The following PLA1A variants were observed in gnomAD, a reference collection of about 807,000 sequenced individuals.
PLA1A encodes phosphatidylserine-specific phospholipase A1alpha.
A neutral mutation model predicts 49.4 loss-of-function variants in PLA1A; 47 were observed. The observed-to-expected ratio is 0.95, with a 90% CI of 0.75 to 1.21. The LOEUF (loss-of-function observed/expected upper bound fraction) is 1.21. Ranked by LOEUF, PLA1A falls within the 50% of genes most tolerant of loss-of-function variation. The pLI is 0.00. For missense variants in PLA1A, 561 were observed against 563.9 expected, an observed-to-expected ratio of 0.99 and a Z score of 0.05; for synonymous variants, 224 against 207.9, an observed-to-expected ratio of 1.08 and a Z score of -0.67.
intron 5 of PLA1A, among the ~76,000 whole-genome samples, chr3:119,613,412 G>T (rs2082796761): frequency 6.6e-6 from 1 of 152,262 alleles, no homozygotes. Context: ...TAATAACAGT[G>T]TGCTGAGCAG....
chr3:119,608,007 C>T (rs2082711466), intron 2 of PLA1A, among the ~76,000 whole-genome samples: 1 of 152,072 alleles, frequency 6.6e-6, no homozygotes, highest in Admixed American at 6.6e-5. Context: ...TTTCCTTTTC[C>T]TGGAAAAGTC....
In PLA1A at chr3:119,624,005, G is replaced by A. The variant is rs561602028; in HGVS notation, c.1013-1119G>A. Among the ~76,000 whole-genome samples, 27 of 152,288 alleles carry A rather than the reference G, an allele frequency of 1.8e-4. No individual in the cohort carries two copies. The East Asian group carries it at 5.2e-3, about 29-fold the overall frequency. On this transcript the variant is annotated intron_variant, in intron 8 of 10. Coordinates refer to ENST00000273371, the MANE Select transcript of PLA1A (RefSeq NM_015900.4). ...CTCCCAAAGTGCTGCGATTACAGGAGTGAGCCACCACGCCTGACCTTATGA... is the reference window on the plus strand; with the variant it reads ...CTCCCAAAGTGCTGCGATTACAGGAATGAGCCACCACGCCTGACCTTATGA...
At chr3:119,604,233 G>A (rs974968293) in intron 1 of PLA1A, among the ~76,000 whole-genome samples, 1 of 152,122 alleles carries the variant, frequency 6.6e-6, no homozygotes, top group Non-Finnish European at 1.5e-5. Context: ...ATATGATCCA[G>A]CAATTCCACT....
intron 1 of PLA1A, among the ~76,000 whole-genome samples, chr3:119,605,791 G>T (rs2107778700): frequency 6.6e-6 from 1 of 152,334 alleles, no homozygotes; most frequent in Non-Finnish European, 1.5e-5. Flanking sequence ...GTTTCATGTT[G>T]CCTTTTCTGT....
At chr3:119,624,847 T>C (rs1310657834) in intron 8 of PLA1A, among the ~76,000 whole-genome samples, 1 of 152,192 alleles carries the variant, frequency 6.6e-6, no homozygotes, top group Non-Finnish European at 1.5e-5. Flanking sequence ...GTCAGACTGG[T>C]CTCAAACTCC....
chr3:119,620,921 C>T (rs979279896), intron 8 of PLA1A, among the ~76,000 whole-genome samples: 1 of 152,230 alleles, frequency 6.6e-6, no homozygotes, highest in Admixed American at 6.5e-5. Flanking sequence ...CAGAACTCAA[C>T]TCCAGGTCTC....
At chr3:119,599,592 A>G (rs1403373873) in intron 1 of PLA1A, among the ~76,000 whole-genome samples, 2 of 152,216 alleles carry the variant, frequency 1.3e-5, no homozygotes, top group Non-Finnish European at 2.9e-5. Context: ...TGTCACACAG[A>G]TAAGAGAAGC....
At chr3:119,605,373 G>A (rs565518824) in intron 1 of PLA1A, among the ~76,000 whole-genome samples, 31 of 152,322 alleles carry the variant, frequency 2.0e-4, no homozygotes, top group Middle Eastern at 3.4e-3. Flanking sequence ...ATGGCTTGAG[G>A]TATTCTCCAC....
At chr3:119,617,101 C>T (rs1200140238) in intron 6 of PLA1A, among the ~76,000 whole-genome samples, 1 of 152,194 alleles carries the variant, frequency 6.6e-6, no homozygotes, top group Non-Finnish European at 1.5e-5. Flanking sequence ...TACAGCTCAC[C>T]ACATACTTCT....
rs543522306 is a variant in PLA1A at position 119,624,004 on chromosome 3, A to C, written c.1013-1120A>C. ...CCTCCCAAAGTGCTGCGATTACAGG[A>C]GTGAGCCACCACGCCTGACCTTATG... On this transcript the variant is annotated intron_variant, in intron 8 of 10. Transcript: ENST00000273371. Among the ~76,000 whole-genome samples, 27 of 152,174 alleles carry C rather than the reference A, an allele frequency of 1.8e-4. No homozygotes were observed. In the East Asian group the frequency reaches 5.2e-3, roughly 29 times the overall value.
At chr3:119,609,409 C>A in intron 3 of PLA1A, 59 bp from the exon 4 acceptor site, 2 of 1,045,584 alleles carry the variant, frequency 1.9e-6, no homozygotes, top group Non-Finnish European at 3.0e-6. Flanking sequence ...GAAAGCCTGC[C>A]ACTGTGAAGC....
At position 119,606,872 on chromosome 3, in the gene PLA1A, C is replaced by T; in HGVS notation, c.172C>T (p.Pro58Ser). 1 of 1,614,102 alleles carries T rather than the reference C, an allele frequency of 6.2e-7. No homozygotes were observed. The highest frequency in any genetic ancestry group is 8.5e-7 in the Non-Finnish European group (1 of 1,179,964). Residue 58 changes from proline (P) to serine (S), a missense_variant, in exon 2 of 11, where the codon CCT (proline) becomes TCT (serine). Coordinates refer to ENST00000273371, the MANE Select transcript of PLA1A (RefSeq NM_015900.4). ...CAAAGTCCAGTTTCTCCTCTTTGTC[C>T]CTTCGAATCCTAGCTGTGGGCAGCT... is the stretch of plus-strand genomic sequence containing the variant. ...DLKVQFLLFV[P>S]SNPSCGQLVE...
chr3:119,607,823 G>C (rs1205881783), intron 2 of PLA1A, among the ~76,000 whole-genome samples: 1 of 152,116 alleles, frequency 6.6e-6, no homozygotes, highest in Non-Finnish European at 1.5e-5. Context: ...AGCTCATCAG[G>C]CAAGGCACTC....
intron 1 of PLA1A, among the ~76,000 whole-genome samples, 176 bp from the exon 2 acceptor site, chr3:119,606,598 C>T (rs1168024220): frequency 1.3e-5 from 2 of 152,188 alleles, no homozygotes; most frequent in Admixed American, 6.5e-5. Flanking sequence ...CACACAGCTT[C>T]ATTACAGAAG....
rs781637130 is a variant in PLA1A at position 119,606,909 on chromosome 3, G to A, written c.209G>A (p.Ser70Asn). 6.2e-7 allele frequency: 1 copy of A among 1,614,166 alleles called. No individual in the cohort carries two copies. Among genetic ancestry groups the A allele is most frequent in the Non-Finnish European group, 8.5e-7 (1 of 1,180,006 alleles). The change falls in exon 2 of 11, where the codon AGC (serine) becomes AAC (asparagine). Residue 70 changes from serine to asparagine, a missense_variant. Coordinates refer to ENST00000273371, the MANE Select transcript of PLA1A (RefSeq NM_015900.4). Reference sequence around the variant, plus strand: ...AGCTGTGGGCAGCTAGTAGAAGGAAGCAGTGACCTCCAAAACTCTGGGTTC... The same window carrying A: ...AGCTGTGGGCAGCTAGTAGAAGGAAACAGTGACCTCCAAAACTCTGGGTTC... The part of the protein sequence containing the change: ...NPSCGQLVEG[S>N]SDLQNSGFNA...
chr3:119,613,725 C>G (rs1411189121), intron 5 of PLA1A, among the ~76,000 whole-genome samples: 2 of 152,172 alleles, frequency 1.3e-5, no homozygotes, highest in Non-Finnish European at 2.9e-5. Context: ...AACCCCGTCT[C>G]TACTAAAAAT....
At chr3:119,615,751 C>A (rs567663235) in intron 5 of PLA1A, among the ~76,000 whole-genome samples, 1 of 151,282 alleles carries the variant, frequency 6.6e-6, no homozygotes. Context: ...GCGGAGGTTG[C>A]AGTGAGAGAA....
chr3:119,621,170 G>A (rs2082924029), intron 8 of PLA1A, among the ~76,000 whole-genome samples: 1 of 152,198 alleles, frequency 6.6e-6, no homozygotes, highest in South Asian at 2.1e-4. Flanking sequence ...CTCTGTGTCT[G>A]TGCAGCTAAG....
chr3:119,612,730 C>A (rs1410908904), intron 4 of PLA1A, among the ~76,000 whole-genome samples: 1 of 152,138 alleles, frequency 6.6e-6, no homozygotes, highest in Non-Finnish European at 1.5e-5. Flanking sequence ...CCTCGTGATC[C>A]GCCTGCCTCG....
Sources: gnomAD v4.1 joint callset for allele counts (sites outside exome capture counted in the v4.1 genomes callset) on GRCh38, gnomAD v4.1.1 for gene constraint, MANE v1.5 for transcripts, NCBI Gene and HGNC (gene_info 2026-07-23, HGNC 2026-07-21) for gene names.